Variants in NCOA6 observed in about 807,000 individuals in gnomAD.
NCOA6 encodes the protein NRC RAP250.
In NCOA6, 49 loss-of-function variants were observed where a neutral mutation model predicts 171.4. The ratio of observed to expected loss-of-function variants is 0.29; its 90% confidence interval spans 0.23 to 0.36. The LOEUF (loss-of-function observed/expected upper bound fraction) is 0.36, where lower values mean the gene tolerates loss of function less well. Among genes scored for constraint, NCOA6 ranks in the 10% least tolerant of loss-of-function variants. The pLI, the probability that NCOA6 is intolerant of heterozygous loss-of-function variation, is 1.00. For synonymous variants in NCOA6, 910 were observed against 927.5 expected, an observed-to-expected ratio of 0.98 and a Z score of 0.34; for missense variants, 2,248 against 2,554.5, an observed-to-expected ratio of 0.88 and a Z score of 2.59.
At chr20:34,805,618 A>C (rs2078423127) in intron 1 of NCOA6, among the ~76,000 whole-genome samples, 2 of 151,204 alleles carry the variant, frequency 1.3e-5, no homozygotes. Flanking sequence ...TGACATACTG[A>C]TTTCCTTTCC....
intron 1 of NCOA6, among the ~76,000 whole-genome samples, chr20:34,818,339 G>A (rs1169898432): frequency 6.6e-6 from 1 of 152,028 alleles, no homozygotes; most frequent in Non-Finnish European, 1.5e-5. Flanking sequence ...GGGCAACAGA[G>A]TAAGACCCTG....
At chr20:34,822,388 A>G (rs1253686637) in intron 1 of NCOA6, among the ~76,000 whole-genome samples, 1 of 152,106 alleles carries the variant, frequency 6.6e-6, no homozygotes, top group South Asian at 2.1e-4. Flanking sequence ...TTATTAATAC[A>G]TTCCCTGAAA....
chr20:34,803,311 T>C (rs2078318542), intron 1 of NCOA6, among the ~76,000 whole-genome samples: 1 of 151,614 alleles, frequency 6.6e-6, no homozygotes, highest in Admixed American at 6.6e-5. Flanking sequence ...TTACTAAAAA[T>C]ACAAAAATTA....
chr20:34,812,645 A>G (rs536010199), intron 1 of NCOA6, among the ~76,000 whole-genome samples: 22 of 152,312 alleles, frequency 1.4e-4, no homozygotes, highest in South Asian at 2.1e-4. Flanking sequence ...ACATAAAAAA[A>G]ACAAAGAAAT....
At chr20:34,823,027 C>T (rs1189031166) in intron 1 of NCOA6, among the ~76,000 whole-genome samples, 1 of 152,094 alleles carries the variant, frequency 6.6e-6, no homozygotes, top group Non-Finnish European at 1.5e-5. Context: ...TTATAATTAT[C>T]GGATCCATCA....
At chr20:34,737,006 G>A (rs935520811) in intron 11 of NCOA6, among the ~76,000 whole-genome samples, 3 of 152,044 alleles carry the variant, frequency 2.0e-5, no homozygotes, top group Non-Finnish European at 4.4e-5. Context: ...AATAATAAGG[G>A]GAAGAGATGG....
chr20:34,754,609 G>T (rs2076589161), intron 8 of NCOA6, 113 bp downstream of exon 8: 1 of 1,263,592 alleles, frequency 7.9e-7, no homozygotes, highest in Non-Finnish European at 1.1e-6. Flanking sequence ...TTATGGGCTT[G>T]AAATTAAGGG....
chr20:34,780,772 G>A (rs2077495540), intron 3 of NCOA6, among the ~76,000 whole-genome samples: 1 of 152,088 alleles, frequency 6.6e-6, no homozygotes, highest in South Asian at 2.1e-4. Context: ...TCCCACCTCA[G>A]CCTCTCGAGT....
rs10700283 is a variant in NCOA6, at chr20:34,811,201, G to GTATATATATATATATATATA, written c.-164+14251_-164+14270dup. Among the ~76,000 whole-genome samples the GTATATATATATATATATATA allele has an allele frequency of 4.0e-3, 216 of 53,806 alleles. 9 individuals carry two copies. Among genetic ancestry groups the GTATATATATATATATATATA allele is most frequent in the Non-Finnish European group, 5.2e-3 (141 of 27,236 alleles). 35.3% of individuals were successfully genotyped at this position (53,806 alleles called of 152,430 possible). A position where few individuals can be genotyped will look rare whatever the true frequency, so the allele number is the denominator to read the frequency against. ...TATTTAACAACAACAACAACAACGT[G>GTATATATATATATATATATA]TATATATATATATATATATATATAT... is the stretch of plus-strand genomic sequence containing the variant. On this transcript the variant is annotated intron_variant, in intron 1 of 14. Transcript: ENST00000359003.
chr20:34,740,449 T>C lies in NCOA6; in HGVS notation c.5807A>G (p.Asn1936Ser). 1 of 1,614,198 alleles carries C rather than the reference T, an allele frequency of 6.2e-7. No homozygotes were observed. Among genetic ancestry groups the C allele is most frequent in the Non-Finnish European group, 8.5e-7 (1 of 1,180,032 alleles). ...TGACTCAGATGCTATGCCACCATGA[T>C]TGCTTTTTGTGGTCGGTACGGCGGA... Reference protein sequence around the residue: ...LISAVPTTKSNHGGIASESLA... With the variant: ...LISAVPTTKSSHGGIASESLA... Residue 1936 changes from asparagine (N) to serine (S), a missense_variant, in exon 11 of 15, where the codon AAT becomes AGT. By Grantham distance (46) the Asn-to-Ser change is conservative. Transcript: ENST00000359003.
chr20:34,778,995 G>T (rs1311310267), intron 3 of NCOA6, among the ~76,000 whole-genome samples: 1 of 144,932 alleles, frequency 6.9e-6, no homozygotes, highest in Non-Finnish European at 1.5e-5. Flanking sequence ...GACAAGACAA[G>T]ACTTAGGGCG....
At chr20:34,766,515 C>G (rs137886311) in intron 5 of NCOA6, among the ~76,000 whole-genome samples, 2 of 152,050 alleles carry the variant, frequency 1.3e-5, no homozygotes, top group Non-Finnish European at 1.5e-5. Flanking sequence ...GTAGTCCCAG[C>G]TACTGCAGGG....
In NCOA6 at chr20:34,741,114, C is replaced by T. The variant is rs754728574; in HGVS notation, c.5142G>A (p.Pro1714=). Residue 1714 remains proline (P), a synonymous_variant, in exon 11 of 15, where the codon CCG becomes CCA. Coordinates refer to ENST00000359003, the MANE Select transcript of NCOA6 (RefSeq NM_014071.5). ...CAGGACTACTGGAGAGGGCATTAGG[C>T]GGTACAGGAGCAGAAGAAAATTTTA... ...QNIKFSSAPV[P]PNALSSSPAP... The T allele has an allele frequency of 1.2e-5, 20 of 1,614,088 alleles. No individual in the cohort carries two copies. The highest frequency in any genetic ancestry group is 1.1e-4 in the African/African-American group (8 of 75,012).
At chr20:34,793,753 A>G (rs1422860534) in intron 1 of NCOA6, among the ~76,000 whole-genome samples, 4 of 152,202 alleles carry the variant, frequency 2.6e-5, no homozygotes, top group Non-Finnish European at 2.9e-5. Context: ...ACTTGCAATC[A>G]TATCAGTGAT....
Position 34,741,458 on chromosome 20 carries a change from A to G in NCOA6, c.4798T>C (p.Phe1600Leu), listed in dbSNP as rs1357603893. The change falls in exon 11 of 15, where the codon TTT becomes CTT. Residue 1600 changes from phenylalanine to leucine, a missense_variant. Phe to Leu is a conservative substitution (Grantham distance 22). This residue lies in a region of NCOA6 where 884 missense variants were observed against 941.9 expected (regional missense o/e 0.94). Coordinates refer to ENST00000359003, the MANE Select transcript of NCOA6 (RefSeq NM_014071.5). ...GTTGTGATGGGATTGGAAGTGACAA[A>G]TACAGTTATTTGATTTGGGGGCAAG... ...TPLPPNQITV[F>L]VTSNPITTSA... The G allele has an allele frequency of 6.2e-7, 1 of 1,614,188 alleles. No homozygotes were observed. The highest frequency in any genetic ancestry group is 1.7e-5 in the Admixed American group (1 of 60,026).
intron 1 of NCOA6, among the ~76,000 whole-genome samples, chr20:34,825,270 C>T (rs1292978641): frequency 6.6e-6 from 1 of 151,516 alleles, no homozygotes; most frequent in Admixed American, 6.6e-5. Context: ...GGGCCCGCTC[C>T]CCAACATGGC....
At chr20:34,798,859 G>A (rs1488091318) in intron 1 of NCOA6, among the ~76,000 whole-genome samples, 2 of 152,120 alleles carry the variant, frequency 1.3e-5, no homozygotes, top group African/African-American at 4.8e-5. Context: ...GAAAGCCTTC[G>A]CAAGAAAGAT....
intron 2 of NCOA6, among the ~76,000 whole-genome samples, chr20:34,783,983 T>A (rs2077590703): frequency 1.3e-5 from 2 of 152,140 alleles, no homozygotes; most frequent in South Asian, 4.1e-4. Flanking sequence ...CTTATTTATA[T>A]TATTAAAGTA....
At chr20:34,740,285 A>G (rs2145538655) in intron 11 of NCOA6, 78 bp downstream of exon 11, 1 of 1,508,188 alleles carries the variant, frequency 6.6e-7, no homozygotes, top group Non-Finnish European at 8.9e-7. Context: ...CCAAGTAAAA[A>G]AGGAGTCATG....
Sources: allele counts gnomAD v4.1 joint callset (sites outside exome capture counted in the v4.1 genomes callset), GRCh38; gene constraint gnomAD v4.1.1; regional missense constraint gnomAD v4.1.1; transcripts MANE v1.5; gene names NCBI Gene and HGNC (gene_info 2026-07-23, HGNC 2026-07-21).